The following PTPN11 variants were observed in gnomAD, a reference collection of about 807,000 sequenced individuals.
The protein encoded by PTPN11 is tyrosine-protein phosphatase non-receptor type 11.
Under a neutral mutation model 78.8 loss-of-function variants are expected in PTPN11, and 6 were observed. That is an observed-to-expected ratio of 0.08 (90% confidence interval 0.04 to 0.15). The LOEUF is 0.15. PTPN11 is among the 10% of genes least tolerant of loss of function. The probability of loss-of-function intolerance (pLI) is 1.00; values close to 1 mark genes in which losing one functional copy is unlikely to be tolerated. For missense variants in PTPN11, 386 were observed against 744.8 expected, an observed-to-expected ratio of 0.52 and a Z score of 5.61; for synonymous variants, 221 against 263.5, an observed-to-expected ratio of 0.84 and a Z score of 1.56.
In PTPN11 at chr12:112,504,612, G is replaced by C; in HGVS notation, c.1713-83G>C. 1 of 1,007,292 alleles carries C rather than the reference G, an allele frequency of 9.9e-7. No homozygotes were observed. The highest frequency in any genetic ancestry group is 1.5e-6 in the Non-Finnish European group (1 of 650,770). The allele number at this position is 1,007,292 out of a possible 1,614,324, so 62.4% of individuals were successfully genotyped here. On this transcript the variant is annotated intron_variant, in intron 14 of 15. Transcript: ENST00000351677. The surrounding 1 kb of genome is among the most constrained non-coding windows in gnomAD (Gnocchi z 4.7). The stretch of plus-strand genomic sequence containing the variant: ...CCATATCTGGTGCCCAAAGAATGTA[G>C]TATGTGTTTTATAGATATCATGTAA...
chr12:112,477,102 C>T (rs1432588325), intron 7 of PTPN11, among the ~76,000 whole-genome samples: 2 of 151,980 alleles, frequency 1.3e-5, no homozygotes, highest in Non-Finnish European at 2.9e-5. Context: ...CTGCAATGTC[C>T]GCCTCTCGGG....
chr12:112,482,028 T>A lies in PTPN11; in HGVS notation c.1093-46T>A. 3 of 1,522,214 alleles carry A rather than the reference T, an allele frequency of 2.0e-6. No individual in the cohort carries two copies. Among genetic ancestry groups the A allele is most frequent in the Non-Finnish European group, 2.7e-6 (3 of 1,098,606 alleles). 94.3% of individuals were successfully genotyped at this position (1,522,214 alleles called of 1,614,324 possible). On this transcript the variant is annotated intron_variant, in intron 9 of 15. Transcript: ENST00000351677. The surrounding 1 kb of genome is among the most constrained non-coding windows in gnomAD (Gnocchi z 4.4). The stretch of plus-strand genomic sequence containing the variant: ...GTTTGTTGCTTGTTTAGGCTTTTAT[T>A]TCAGAGTTCACAGAATTAACTTTCT...
intron 10 of PTPN11, among the ~76,000 whole-genome samples, chr12:112,483,654 T>C (rs1334172250): frequency 6.6e-6 from 1 of 152,168 alleles, no homozygotes; most frequent in South Asian, 2.1e-4. Flanking sequence ...GGAGTTGTTC[T>C]AGGGATTAGG....
intron 2 of PTPN11, 106 bp downstream of exon 2, chr12:112,446,504 A>T (rs1430650172): frequency 3.9e-6 from 6 of 1,523,100 alleles, no homozygotes; most frequent in Admixed American, 1.7e-5. Context: ...TGAAGGCCTT[A>T]TCTGAGCCCT....
intron 3 of PTPN11, among the ~76,000 whole-genome samples, chr12:112,450,890 A>T (rs1415138501): frequency 6.6e-6 from 1 of 152,196 alleles, no homozygotes; most frequent in East Asian, 1.9e-4. Context: ...GCTCTCGACC[A>T]GTTATTCAGC....
intron 6 of PTPN11, among the ~76,000 whole-genome samples, chr12:112,460,196 C>G (rs906608171): frequency 2.0e-5 from 3 of 152,042 alleles, no homozygotes; most frequent in African/African-American, 4.8e-5. Flanking sequence ...GATCCACCCA[C>G]CTTGGCCTCC....
intron 6 of PTPN11, among the ~76,000 whole-genome samples, chr12:112,470,330 T>C (rs567466252): frequency 6.6e-6 from 1 of 152,358 alleles, no homozygotes; most frequent in East Asian, 1.9e-4. Flanking sequence ...ATACTTGCTT[T>C]GTTGTATGTC....
chr12:112,475,542 A>T (rs956704129), intron 7 of PTPN11, among the ~76,000 whole-genome samples: 1 of 152,152 alleles, frequency 6.6e-6, no homozygotes, highest in South Asian at 2.1e-4. Context: ...GGCATGAGCG[A>T]CTGCACCTGG....
intron 9 of PTPN11, 102 bp from the exon 10 acceptor site, chr12:112,481,972 T>G: frequency 1.6e-6 from 2 of 1,257,314 alleles, no homozygotes; most frequent in Non-Finnish European, 2.3e-6. Flanking sequence ...ATTTTCCATG[T>G]TGGTGGTTAT....
chr12:112,484,571 G>A (rs896630844), intron 10 of PTPN11, among the ~76,000 whole-genome samples: 8 of 152,194 alleles, frequency 5.3e-5, no homozygotes, highest in African/African-American at 1.9e-4. Flanking sequence ...GGGGGGACCA[G>A]AAGGAGCTGG....
chr12:112,442,743 C>T (rs1017920641), intron 1 of PTPN11, among the ~76,000 whole-genome samples: 10 of 148,128 alleles, frequency 6.8e-5, no homozygotes, highest in African/African-American at 9.9e-5. Context: ...TGAACCACCG[C>T]GCCTGGCCAT....
At chr12:112,433,722 A>C (rs982414522) in intron 1 of PTPN11, among the ~76,000 whole-genome samples, 1 of 152,114 alleles carries the variant, frequency 6.6e-6, no homozygotes, top group Non-Finnish European at 1.5e-5. Flanking sequence ...TGGCCAAAGA[A>C]GGAGGATTGC....
In PTPN11 at chr12:112,482,005, T is replaced by C; in HGVS notation, c.1093-69T>C. ...TATTAAGCAAGACTTGAACATTTGT[T>C]TGTTGCTTGTTTAGGCTTTTATTTC... On this transcript the variant is annotated intron_variant, in intron 9 of 15. Transcript: ENST00000351677. The surrounding 1 kb of genome is among the most constrained non-coding windows in gnomAD (Gnocchi z 4.4). 1 of 1,473,500 alleles carries C rather than the reference T, an allele frequency of 6.8e-7. No homozygotes were observed. The highest frequency in any genetic ancestry group is 1.1e-5 in the South Asian group (1 of 87,464). 91.3% of individuals were successfully genotyped at this position (1,473,500 alleles called of 1,614,324 possible).
rs2037917121 is a variant in PTPN11 at position 112,442,829 on chromosome 12, TTTATATATATATA to T, written c.15-3445_15-3433del. ...TCTCTCTCCTCTCTCTCTCTCTCTT[TTTATATATATATA>T]TATATATATATATATATATATATAT... On this transcript the variant is annotated intron_variant, in intron 1 of 15. Transcript: ENST00000351677. 7.0e-5 allele frequency among the ~76,000 whole-genome samples: 4 copies of T among 56,928 alleles called. No individual in the cohort carries two copies. The South Asian group carries it at 2.1e-3, about 29-fold the overall frequency. 37.3% of individuals were successfully genotyped at this position (56,928 alleles called of 152,430 possible).
At chr12:112,502,883 G>A (rs2038892705) in intron 14 of PTPN11, among the ~76,000 whole-genome samples, 1 of 152,230 alleles carries the variant, frequency 6.6e-6, no homozygotes, top group South Asian at 2.1e-4. Flanking sequence ...GCTGGGGATT[G>A]TAACAAAGGA....
intron 1 of PTPN11, among the ~76,000 whole-genome samples, chr12:112,429,494 T>TG (rs1446632893): frequency 6.7e-6 from 1 of 148,850 alleles, no homozygotes; most frequent in Non-Finnish European, 1.5e-5. Context: ...TTTTTTTTTT[T>TG]TTTTTTTTTT....
intron 10 of PTPN11, among the ~76,000 whole-genome samples, chr12:112,483,933 C>A (rs574943829): frequency 6.6e-6 from 1 of 152,044 alleles, no homozygotes; most frequent in East Asian, 1.9e-4. Flanking sequence ...GTTTGAGATG[C>A]CTTGGACACA....
intron 13 of PTPN11, among the ~76,000 whole-genome samples, chr12:112,489,538 A>G (rs2038720618): frequency 1.3e-5 from 2 of 152,166 alleles, no homozygotes; most frequent in South Asian, 2.1e-4. Context: ...TCCTGATTCC[A>G]TCCTTTAAAA....
At position 112,448,092 on chromosome 12, in the gene PTPN11, G is replaced by A. The variant is rs2038021975; in HGVS notation, c.137+1694G>A. On this transcript the variant is annotated intron_variant, in intron 2 of 15. Transcript: ENST00000351677. ...GCTGGGGTTACAGGCATGAGCTATC[G>A]CGCCTGGCCTGAGAAATCTCATTCT... Among the ~76,000 whole-genome samples, 3 of 151,216 alleles carry A rather than the reference G, an allele frequency of 2.0e-5. 1 individual carries two copies. The highest frequency in any genetic ancestry group is 2.1e-4 in the South Asian group (1 of 4,766).
Sources: allele counts gnomAD v4.1 joint callset (sites outside exome capture counted in the v4.1 genomes callset), GRCh38; gene constraint gnomAD v4.1.1; non-coding constraint Gnocchi (gnomAD v3.1); transcripts MANE v1.5; gene names NCBI Gene and HGNC (gene_info 2026-07-23, HGNC 2026-07-21).